Variants in TBC1D19 observed in about 807,000 individuals in gnomAD.
The protein encoded by TBC1D19 is TBC1 domain family, member 19.
TBC1D19 carries 60 observed loss-of-function variants against 89.0 expected under a neutral mutation model. That is an observed-to-expected ratio of 0.67 (90% CI 0.55 to 0.84). The LOEUF is 0.84. TBC1D19 is among the 40% of genes least tolerant of loss of function. The probability of loss-of-function intolerance (pLI) is 0.00; values close to 1 mark genes in which losing one functional copy is unlikely to be tolerated. For synonymous variants in TBC1D19, 189 were observed against 199.7 expected (o/e 0.95, Z 0.45); for missense variants, 500 against 610.8 (o/e 0.82, Z 1.91).
chr4:26,698,788 G>A (rs1715043027), intron 13 of TBC1D19, among the ~76,000 whole-genome samples: 4 of 152,180 alleles, frequency 2.6e-5, no homozygotes, highest in South Asian at 2.1e-4. Context: ...AATAAATGGT[G>A]CTGGGAAAAC....
intron 1 of TBC1D19, chr4:26,585,299 C>T (rs1180889095): frequency 5.6e-5 from 18 of 319,886 alleles, no homozygotes; most frequent in Non-Finnish European, 9.3e-5. Context: ...TCCTTGATAG[C>T]GCTTGATGCT....
chr4:26,703,854 G>T (rs1049241124), intron 13 of TBC1D19, among the ~76,000 whole-genome samples: 4 of 151,370 alleles, frequency 2.6e-5, no homozygotes, highest in Admixed American at 6.6e-5. Flanking sequence ...CCAGCTACTC[G>T]GGAGGCTGAG....
chr4:26,769,215 G>T, the TBC1D19 span, among the ~76,000 whole-genome samples: 1 of 152,092 alleles, frequency 6.6e-6, no homozygotes, highest in East Asian at 1.9e-4. Flanking sequence ...AAATGAATAT[G>T]AAATAAAGAT....
At chr4:26,700,010 A>C (rs185041547) in intron 13 of TBC1D19, among the ~76,000 whole-genome samples, 1 of 152,156 alleles carries the variant, frequency 6.6e-6, no homozygotes, top group East Asian at 1.9e-4. Flanking sequence ...CTTAAAGTAT[A>C]ATAATAATAA....
intron 1 of TBC1D19, among the ~76,000 whole-genome samples, chr4:26,597,321 C>T (rs952276636): frequency 1.3e-5 from 2 of 152,176 alleles, no homozygotes; most frequent in Non-Finnish European, 2.9e-5. Context: ...TGAAGTATCT[C>T]TCTTTATCTC....
the TBC1D19 span, among the ~76,000 whole-genome samples, chr4:26,829,465 C>A: frequency 6.6e-6 from 1 of 152,204 alleles, no homozygotes; most frequent in African/African-American, 2.4e-5. Flanking sequence ...AAGCTCAAAT[C>A]AACACCCACT....
At position 26,735,440 on chromosome 4, in the gene TBC1D19, C is replaced by CA. The variant is rs753120682; in HGVS notation, c.1085-15_1085-14insA. The CA allele has an allele frequency of 1.5e-6, 2 of 1,364,154 alleles. No individual in the cohort carries two copies. Among genetic ancestry groups the CA allele is most frequent in the Admixed American group, 2.8e-5 (1 of 35,972 alleles). 84.5% of individuals were successfully genotyped at this position (1,364,154 alleles called of 1,614,324 possible). A position where few individuals can be genotyped will look rare whatever the true frequency, so the allele number is the denominator to read the frequency against. On this transcript the variant is annotated splice_polypyrimidine_tract_variant and intron_variant, in intron 15 of 20. Transcript: ENST00000264866. ...GCCTACTACTTATTGAAAAGAAATA[C>CA]CTTTTTTTTTTTAGGTGTTATCCCT...
chr4:26,766,769 T>C, the TBC1D19 span, among the ~76,000 whole-genome samples: 1 of 152,208 alleles, frequency 6.6e-6, no homozygotes, highest in Non-Finnish European at 1.5e-5. Flanking sequence ...ACTTAACCTT[T>C]AAGCCTTGAT....
chr4:26,797,843 T>C, the TBC1D19 span, among the ~76,000 whole-genome samples: 9 of 152,250 alleles, frequency 5.9e-5, 1 homozygote, highest in South Asian at 1.9e-3. Context: ...GCTCGACATA[T>C]GCAGAAGAAT....
intron 4 of TBC1D19, among the ~76,000 whole-genome samples, chr4:26,635,546 A>T (rs987931074): frequency 6.6e-6 from 1 of 152,140 alleles, no homozygotes; most frequent in African/African-American, 2.4e-5. Flanking sequence ...AATGTAGTAA[A>T]CTGAACTTTA....
intron 1 of TBC1D19, among the ~76,000 whole-genome samples, chr4:26,604,126 CAT>C (rs1025922478): frequency 3.3e-5 from 5 of 149,528 alleles, no homozygotes; most frequent in African/African-American, 1.2e-4. Context: ...CATGTTGTAA[CAT>C]GTGTCAGAAT....
chr4:26,652,020 G>C (rs1183192265), intron 7 of TBC1D19, among the ~76,000 whole-genome samples: 1 of 151,980 alleles, frequency 6.6e-6, no homozygotes, highest in Admixed American at 6.6e-5. Flanking sequence ...TACATTTATT[G>C]ATTTGCATGT....
At chr4:26,799,539 A>C in the TBC1D19 span, among the ~76,000 whole-genome samples, 1 of 152,162 alleles carries the variant, frequency 6.6e-6, no homozygotes, top group Non-Finnish European at 1.5e-5. Flanking sequence ...ATATGTCAAA[A>C]CCTAATCCTC....
At chr4:26,709,036 T>A (rs1715956586) in intron 13 of TBC1D19, among the ~76,000 whole-genome samples, 1 of 152,026 alleles carries the variant, frequency 6.6e-6, no homozygotes, top group Admixed American at 6.6e-5. Context: ...TTTGTATTAT[T>A]TGTGATCTTG....
the TBC1D19 span, among the ~76,000 whole-genome samples, chr4:26,826,869 C>A: frequency 2.0e-5 from 3 of 152,188 alleles, no homozygotes; most frequent in Non-Finnish European, 2.9e-5. Flanking sequence ...AAAAGATAAA[C>A]CCTTCCAGAA....
intron 13 of TBC1D19, among the ~76,000 whole-genome samples, chr4:26,715,269 G>C (rs918745550): frequency 6.6e-6 from 1 of 151,894 alleles, no homozygotes; most frequent in African/African-American, 2.4e-5. Flanking sequence ...TGTTCCACTC[G>C]CTGAGATCAA....
the TBC1D19 span, among the ~76,000 whole-genome samples, chr4:26,767,129 C>T: frequency 6.6e-6 from 1 of 152,052 alleles, no homozygotes; most frequent in African/African-American, 2.4e-5. Flanking sequence ...ATGATCATGC[C>T]ACTGTACCCC....
chr4:26,700,038 G>A (rs1241893756), intron 13 of TBC1D19, among the ~76,000 whole-genome samples: 5 of 150,326 alleles, frequency 3.3e-5, no homozygotes, highest in African/African-American at 4.9e-5. Flanking sequence ...ATTAAAAGGG[G>A]TAAGAAAAAG....
chr4:26,754,767 C>G (rs1560514830), intron 20 of TBC1D19, 106 bp from the exon 21 acceptor site: 1 of 839,280 alleles, frequency 1.2e-6, no homozygotes, highest in South Asian at 2.0e-5. Context: ...AGATTTAGGA[C>G]AAATCCAAAG....
Sources: allele counts gnomAD v4.1 joint callset (sites outside exome capture counted in the v4.1 genomes callset), GRCh38; gene constraint gnomAD v4.1.1; transcripts MANE v1.5; gene names NCBI Gene and HGNC (gene_info 2026-07-23, HGNC 2026-07-21).